LIPC: variants seen among roughly 807,000 people sequenced by gnomAD.
The protein encoded by LIPC is hepatic triacylglycerol lipase.
Under a neutral mutation model 50.7 loss-of-function variants are expected in LIPC, and 44 were observed. That is an observed-to-expected ratio of 0.87 (90% CI 0.68 to 1.11). The LOEUF is 1.11. LIPC is among the 50% of genes most tolerant of loss of function. LIPC has a pLI of 0.00. For missense variants in LIPC, 697 were observed against 648.2 expected, an observed-to-expected ratio of 1.08 and a Z score of -0.82; for synonymous variants, 271 against 256.4, an observed-to-expected ratio of 1.06 and a Z score of -0.54.
chr15:58,457,267 G>A (rs1197614811), intron 1 of LIPC, among the ~76,000 whole-genome samples: 1 of 152,090 alleles, frequency 6.6e-6, no homozygotes, highest in Non-Finnish European at 1.5e-5. Context: ...GCACCACCAC[G>A]CCTGGCTAAT....
chr15:58,541,354 C>T (rs756368480), intron 2 of LIPC, among the ~76,000 whole-genome samples: 1 of 152,030 alleles, frequency 6.6e-6, no homozygotes, highest in Admixed American at 6.6e-5. Context: ...GGGGCAGCTG[C>T]ACGCAGAAGG....
At chr15:58,567,188 G>C (rs1427982667) in intron 8 of LIPC, among the ~76,000 whole-genome samples, 2 of 132,068 alleles carry the variant, frequency 1.5e-5, no homozygotes, top group African/African-American at 3.0e-5. Context: ...GCGACAGAGC[G>C]AGACTCCGTC....
chr15:58,544,173 A>C (rs1320220668), intron 4 of LIPC, among the ~76,000 whole-genome samples: 1 of 152,058 alleles, frequency 6.6e-6, no homozygotes, highest in African/African-American at 2.4e-5. Flanking sequence ...CCCACTGAAG[A>C]AGCAGGGCCA....
At chr15:58,482,849 C>A (rs1308645251) in intron 1 of LIPC, among the ~76,000 whole-genome samples, 1 of 152,180 alleles carries the variant, frequency 6.6e-6, no homozygotes, top group Non-Finnish European at 1.5e-5. Context: ...CATCAGGAAA[C>A]CTGTATTTGA....
At chr15:58,500,931 C>T (rs1396471262) in intron 1 of LIPC, among the ~76,000 whole-genome samples, 2 of 152,004 alleles carry the variant, frequency 1.3e-5, no homozygotes, top group Non-Finnish European at 2.9e-5. Context: ...GAAGACACAC[C>T]AGGCCATTCA....
At chr15:58,494,011 A>C (rs2140815945) in intron 1 of LIPC, among the ~76,000 whole-genome samples, 1 of 152,298 alleles carries the variant, frequency 6.6e-6, no homozygotes, top group South Asian at 2.1e-4. Context: ...CTCCTAGTAC[A>C]GAGGTAAGAC....
At chr15:58,544,531 G>A (rs1893456352) in intron 4 of LIPC, among the ~76,000 whole-genome samples, 1 of 151,684 alleles carries the variant, frequency 6.6e-6, no homozygotes, top group African/African-American at 2.4e-5. Flanking sequence ...AAGTAGCTGG[G>A]ACTACAGGTG....
intron 1 of LIPC, among the ~76,000 whole-genome samples, chr15:58,449,576 A>G (rs1893829306): frequency 6.6e-6 from 1 of 151,228 alleles, no homozygotes; most frequent in African/African-American, 2.4e-5. Context: ...TTTTTAAGAC[A>G]GAGTCTCACT....
At chr15:58,448,903 A>T (rs1201233620) in intron 1 of LIPC, among the ~76,000 whole-genome samples, 1 of 152,216 alleles carries the variant, frequency 6.6e-6, no homozygotes, top group African/African-American at 2.4e-5. Context: ...GCACTCTCAG[A>T]CAAAACTGAC....
intron 2 of LIPC, 183 bp from the exon 3 acceptor site, chr15:58,541,602 C>T (rs1893325794): frequency 5.9e-6 from 4 of 675,392 alleles, no homozygotes; most frequent in Non-Finnish European, 1.0e-5. Flanking sequence ...TGCTGCTAAA[C>T]ATCGTACAAT....
intron 1 of LIPC, among the ~76,000 whole-genome samples, chr15:58,462,659 T>G (rs1376692839): frequency 1.3e-5 from 2 of 152,152 alleles, no homozygotes; most frequent in African/African-American, 4.8e-5. Flanking sequence ...ACCTTAGAAG[T>G]CAGGCTCCTG....
intron 6 of LIPC, among the ~76,000 whole-genome samples, chr15:58,558,222 A>C (rs1349761365): frequency 6.6e-6 from 1 of 151,656 alleles, no homozygotes; most frequent in Non-Finnish European, 1.5e-5. Context: ...ACAGGCGCCC[A>C]CCACCACACC....
At chr15:58,477,117 C>T (rs538612478) in intron 1 of LIPC, among the ~76,000 whole-genome samples, 2 of 152,342 alleles carry the variant, frequency 1.3e-5, no homozygotes, top group African/African-American at 4.8e-5. Flanking sequence ...TTCCCTTCGA[C>T]TATAGTCCAC....
chr15:58,501,030 G>C (rs1440172256), intron 1 of LIPC, among the ~76,000 whole-genome samples: 1 of 151,656 alleles, frequency 6.6e-6, no homozygotes, highest in African/African-American at 2.4e-5. Flanking sequence ...TTTCCTCATG[G>C]GCATCACTGA....
chr15:58,558,069 T>A (rs1894019342), intron 6 of LIPC, among the ~76,000 whole-genome samples: 1 of 18,268 alleles, frequency 5.5e-5, no homozygotes, highest in Admixed American at 1.3e-3. Context: ...TATAGCTCTT[T>A]TCTTTTTTTT....
rs1893144182 is a variant in LIPC at position 58,432,127 on chromosome 15, G to A, written c.88+7G>A. On this transcript the variant is annotated splice_region_variant and intron_variant, in intron 1 of 8. Transcript: ENST00000299022. Reference sequence around the variant, plus strand: ...GGACAAAGCCTGAAACCAGGTAAGAGCCTGACTTTTCTCCAGAGATGGGCA... The same window carrying A: ...GGACAAAGCCTGAAACCAGGTAAGAACCTGACTTTTCTCCAGAGATGGGCA... The A allele has an allele frequency of 1.2e-6, 2 of 1,601,356 alleles. No individual in the cohort carries two copies. The highest frequency in any genetic ancestry group is 1.7e-6 in the Non-Finnish European group (2 of 1,168,622).
chr15:58,436,057 T>C (rs573059313), intron 1 of LIPC: 1 of 152,356 alleles, frequency 6.6e-6, no homozygotes, highest in Non-Finnish European at 1.5e-5. Context: ...CTTTATTATT[T>C]ATCCTTTCAT....
In LIPC at chr15:58,538,978, G is replaced by A. The variant is rs561892017; in HGVS notation, c.273+461G>A. Among the ~76,000 whole-genome samples the A allele has an allele frequency of 7.2e-5, 11 of 152,318 alleles. 1 individual carries two copies. The South Asian group carries it at 2.1e-3, about 29-fold the overall frequency. Reference sequence around the variant, plus strand: ...GAAAACAGAAATTTGTTTTCATTTCGCAAAATATTCCAAAGATATATGTAA... The same window carrying A: ...GAAAACAGAAATTTGTTTTCATTTCACAAAATATTCCAAAGATATATGTAA... On this transcript the variant is annotated intron_variant, in intron 2 of 8. Transcript: ENST00000299022.
At chr15:58,438,686 G>A (rs529068823) in intron 1 of LIPC, among the ~76,000 whole-genome samples, 6 of 152,294 alleles carry the variant, frequency 3.9e-5, no homozygotes, top group African/African-American at 1.2e-4. Flanking sequence ...GAGTCAGGGC[G>A]CCCACCCGGC....
Sources: gnomAD v4.1 joint callset for allele counts (sites outside exome capture counted in the v4.1 genomes callset) on GRCh38, gnomAD v4.1.1 for gene constraint, MANE v1.5 for transcripts, NCBI Gene and HGNC (gene_info 2026-07-23, HGNC 2026-07-21) for gene names.